The following POU2F1 variants were observed in gnomAD, a reference collection of about 807,000 sequenced individuals.
POU2F1 encodes the protein POU domain, class 2, transcription factor 1.
In POU2F1, 16 loss-of-function variants were observed where a neutral mutation model predicts 84.9. That is an observed-to-expected ratio of 0.19 (90% CI 0.13 to 0.29). The LOEUF (loss-of-function observed/expected upper bound fraction) is 0.29, where lower values mean the gene tolerates loss of function less well. Among genes scored for constraint, POU2F1 ranks in the 10% least tolerant of loss-of-function variants. The pLI, the probability that POU2F1 is intolerant of heterozygous loss-of-function variation, is 1.00. For missense variants in POU2F1, 738 were observed against 942.6 expected, an observed-to-expected ratio of 0.78 and a Z score of 2.84; for synonymous variants, 368 against 368.3, an observed-to-expected ratio of 1.00 and a Z score of 0.01.
intron 7 of POU2F1, chr1:167,380,947 A>G (rs1647489950): frequency 6.6e-6 from 1 of 152,194 alleles, no homozygotes; most frequent in Admixed American, 6.5e-5. Flanking sequence ...TTTATTGGTT[A>G]TCTTATTCTG....
intron 2 of POU2F1, among the ~76,000 whole-genome samples, chr1:167,332,804 G>A (rs934059678): frequency 2.6e-5 from 4 of 152,224 alleles, no homozygotes; most frequent in African/African-American, 9.6e-5. Flanking sequence ...AGATAGTTTT[G>A]GATATGAAAT....
chr1:167,267,764 C>T (rs919210706), intron 1 of POU2F1, among the ~76,000 whole-genome samples: 2 of 151,118 alleles, frequency 1.3e-5, no homozygotes, highest in Non-Finnish European at 2.9e-5. Flanking sequence ...GCTTCAGCCT[C>T]CCTAGTAGCT....
chr1:167,317,237 G>A (rs1439621391), intron 1 of POU2F1, among the ~76,000 whole-genome samples: 4 of 152,110 alleles, frequency 2.6e-5, no homozygotes, highest in African/African-American at 9.7e-5. Context: ...ATTACTATAT[G>A]GTCCTGTGTT....
At position 167,421,758 on chromosome 1, in the gene POU2F1, CAAAT is replaced by C. The variant is rs967145715; in HGVS notation, c.*5955_*5958del. ...GCAAAACTGGTTTTAAACTAAAAACCAAATAAATAAGTGAAAAAATTTTATAAAT... is the reference window on the plus strand; with the variant it reads ...GCAAAACTGGTTTTAAACTAAAAACCAAATAAGTGAAAAAATTTTATAAAT... On this transcript the variant is annotated 3_prime_UTR_variant, in exon 16 of 16. Coordinates refer to ENST00000367866, the MANE Select transcript of POU2F1 (RefSeq NM_002697.4). 4.6e-5 allele frequency: 7 copies of C among 152,030 alleles called. No individual in the cohort carries two copies. Among genetic ancestry groups the C allele is most frequent in the African/African-American group, 7.2e-5 (3 of 41,456 alleles). The allele number at this position is 152,030 out of a possible 1,614,324, so 9.4% of individuals were successfully genotyped here.
chr1:167,253,311 A>G (rs1265929813), intron 1 of POU2F1, among the ~76,000 whole-genome samples: 1 of 150,166 alleles, frequency 6.7e-6, no homozygotes, highest in African/African-American at 2.5e-5. Flanking sequence ...GTAATCATTT[A>G]CTAACTCTCT....
At position 167,415,361 on chromosome 1, in the gene POU2F1, G is replaced by A. The variant is rs1407981249; in HGVS notation, c.1991-139G>A. On this transcript the variant is annotated intron_variant, in intron 15 of 15. Coordinates refer to ENST00000367866, the MANE Select transcript of POU2F1 (RefSeq NM_002697.4). ...GGTATCAATATAGCACTGTGTTTGA[G>A]GAAAAAAATTCAGTGAAGGGCTATA... 23 of 891,790 alleles carry A rather than the reference G, an allele frequency of 2.6e-5. 1 individual carries two copies. Among genetic ancestry groups the A allele is most frequent in the Non-Finnish European group, 3.7e-5 (22 of 589,136 alleles). The allele number at this position is 891,790 out of a possible 1,614,324, so 55.2% of individuals were successfully genotyped here.
At chr1:167,344,693 A>G (rs1321458919) in intron 2 of POU2F1, among the ~76,000 whole-genome samples, 2 of 152,204 alleles carry the variant, frequency 1.3e-5, no homozygotes, top group Non-Finnish European at 2.9e-5. Context: ...GCAAGTAGGT[A>G]TGTGGCACAG....
chr1:167,251,312 T>C (rs1304133970), intron 1 of POU2F1, among the ~76,000 whole-genome samples: 1 of 151,942 alleles, frequency 6.6e-6, no homozygotes, highest in Admixed American at 6.6e-5. Flanking sequence ...GGTGGGAGGA[T>C]TGATTGAGCC....
chr1:167,326,138 T>G lies in POU2F1; in HGVS notation c.62-6332T>G, dbSNP rs577915610. 5.3e-4 allele frequency among the ~76,000 whole-genome samples: 80 copies of G among 152,262 alleles called. No individual in the cohort carries two copies. In the Middle Eastern group the frequency reaches 0.01, roughly 19 times the overall value. ...TCCAGGTCCTCTAAACATCAGTTAT[T>G]TTATCATTTATTGGCCTCTTCTCTA... On this transcript the variant is annotated intron_variant, in intron 1 of 15. Coordinates refer to ENST00000367866, the MANE Select transcript of POU2F1 (RefSeq NM_002697.4).
intron 2 of POU2F1, among the ~76,000 whole-genome samples, chr1:167,353,596 C>G (rs1295592250): frequency 6.6e-6 from 1 of 152,172 alleles, no homozygotes; most frequent in East Asian, 1.9e-4. Flanking sequence ...GCTGTCCCGC[C>G]AGTACCTGAC....
chr1:167,416,541 G>T lies in POU2F1; in HGVS notation c.*731G>T, dbSNP rs772471508. ...TTAACTGTGGGGAATGTTCTTGCTG[G>T]TTTCCTTATCCTTGATGACTCTTAC... On this transcript the variant is annotated 3_prime_UTR_variant, in exon 16 of 16. Coordinates refer to ENST00000367866, the MANE Select transcript of POU2F1 (RefSeq NM_002697.4). 9.1e-5 allele frequency: 14 copies of T among 154,362 alleles called. No individual in the cohort carries two copies. The highest frequency in any genetic ancestry group is 2.0e-4 in the South Asian group (1 of 4,918). The allele number at this position is 154,362 out of a possible 1,614,324, so 9.6% of individuals were successfully genotyped here.
At chr1:167,411,472 A>G (rs1333747659) in intron 13 of POU2F1, among the ~76,000 whole-genome samples, 1 of 151,998 alleles carries the variant, frequency 6.6e-6, no homozygotes, top group Non-Finnish European at 1.5e-5. Context: ...GTTTGAATGT[A>G]GAGAAGGCAT....
chr1:167,375,998 T>G (rs1383181557), intron 6 of POU2F1, 31 bp from the exon 7 acceptor site: 3 of 1,613,216 alleles, frequency 1.9e-6, no homozygotes, highest in East Asian at 4.5e-5. Flanking sequence ...TTTCAGAATC[T>G]CCAATCCATG....
intron 1 of POU2F1, among the ~76,000 whole-genome samples, chr1:167,221,805 C>T (rs1648218441): frequency 6.6e-6 from 1 of 151,942 alleles, no homozygotes; most frequent in Non-Finnish European, 1.5e-5. Flanking sequence ...GGAACCCGCG[C>T]AGGGGTCTGC....
intron 1 of POU2F1, among the ~76,000 whole-genome samples, chr1:167,293,460 G>T (rs1276447455): frequency 6.6e-6 from 1 of 152,196 alleles, no homozygotes; most frequent in Non-Finnish European, 1.5e-5. Flanking sequence ...AAAAAACACT[G>T]CTGAAAGAAG....
Position 167,272,506 on chromosome 1 carries a change from CACA to C in POU2F1, c.61+51549_61+51551del. Among the ~76,000 whole-genome samples, 2 of 152,118 alleles carry C rather than the reference CACA, an allele frequency of 1.3e-5. 1 individual carries two copies. Among genetic ancestry groups the C allele is most frequent in the Middle Eastern group, 6.8e-3 (2 of 294 alleles). On this transcript the variant is annotated intron_variant, in intron 1 of 15. Coordinates refer to ENST00000367866, the MANE Select transcript of POU2F1 (RefSeq NM_002697.4). ...AAGAGGTTTAATTGGCTCACAGTTC[CACA>C]GGCTGTACAAGCGTGGTGGGGGAAG...
At chr1:167,230,461 T>C (rs575601893) in intron 1 of POU2F1, among the ~76,000 whole-genome samples, 8 of 152,202 alleles carry the variant, frequency 5.3e-5, no homozygotes, top group Non-Finnish European at 1.2e-4. Context: ...GGAGCTGTTC[T>C]GATTAAAATT....
intron 1 of POU2F1, among the ~76,000 whole-genome samples, chr1:167,303,186 T>C (rs1191611830): frequency 6.6e-6 from 1 of 152,120 alleles, no homozygotes; most frequent in Admixed American, 6.6e-5. Flanking sequence ...AAAAAAAACC[T>C]GAGTAGGCTG....
chr1:167,378,029 T>C (rs1660444355), intron 7 of POU2F1, among the ~76,000 whole-genome samples: 1 of 152,318 alleles, frequency 6.6e-6, no homozygotes, highest in Non-Finnish European at 1.5e-5. Flanking sequence ...GTATGTGTCT[T>C]TATGGCAGAA....
Sources: gnomAD v4.1 joint callset for allele counts (sites outside exome capture counted in the v4.1 genomes callset) on GRCh38, gnomAD v4.1.1 for gene constraint, MANE v1.5 for transcripts, NCBI Gene and HGNC (gene_info 2026-07-23, HGNC 2026-07-21) for gene names.